The following ERC1 variants were observed in gnomAD, a reference collection of about 807,000 sequenced individuals.
ERC1 encodes the protein ELKS/RAB6-interacting/CAST family member 1.
ERC1 carries 56 observed loss-of-function variants against 132.0 expected under a neutral mutation model. The observed-to-expected ratio is 0.42, with a 90% CI of 0.34 to 0.53. The LOEUF (loss-of-function observed/expected upper bound fraction) is 0.53. ERC1 is among the 20% of genes least tolerant of loss of function. The probability of loss-of-function intolerance (pLI) is 0.03; values close to 1 mark genes in which losing one functional copy is unlikely to be tolerated. For missense variants in ERC1, 1,202 were observed against 1,349.9 expected, an observed-to-expected ratio of 0.89 and a Z score of 1.72; for synonymous variants, 478 against 476.1, an observed-to-expected ratio of 1.00 and a Z score of -0.05.
At chr12:1,110,972 G>C (rs978218771) in intron 5 of ERC1, among the ~76,000 whole-genome samples, 1 of 152,066 alleles carries the variant, frequency 6.6e-6, no homozygotes, top group Non-Finnish European at 1.5e-5. Flanking sequence ...CCAAAGTGCT[G>C]GGATTACAGA....
intron 2 of ERC1, among the ~76,000 whole-genome samples, chr12:1,033,625 G>A (rs1351209497): frequency 6.6e-6 from 1 of 151,854 alleles, no homozygotes; most frequent in African/African-American, 2.4e-5. Context: ...CACCATGCCC[G>A]GCTAATTTTT....
rs564334323 is a variant in ERC1, at chr12:1,420,754, C to T, written c.3024+12507C>T. Among the ~76,000 whole-genome samples, 4 of 152,106 alleles carry T rather than the reference C, an allele frequency of 2.6e-5. No individual in the cohort carries two copies. In the East Asian group the frequency reaches 5.8e-4, roughly 22 times the overall value. On this transcript the variant is annotated intron_variant, in intron 17 of 18. Transcript: ENST00000360905. ...ACAGGCATGAGCCACCATGCCTGGCCGAGGTTAAACTTTTAAGCAAAACCC... is the reference window on the plus strand; with the variant it reads ...ACAGGCATGAGCCACCATGCCTGGCTGAGGTTAAACTTTTAAGCAAAACCC...
intron 18 of ERC1, among the ~76,000 whole-genome samples, chr12:1,473,899 C>CA (rs1273903693): frequency 2.6e-5 from 4 of 151,992 alleles, no homozygotes; most frequent in South Asian, 2.1e-4. Flanking sequence ...GATCCCTGGG[C>CA]AAAAAAGATT....
chr12:1,389,037 G>T (rs1260225525), intron 16 of ERC1, among the ~76,000 whole-genome samples: 5 of 152,188 alleles, frequency 3.3e-5, no homozygotes, highest in Admixed American at 2.6e-4. Flanking sequence ...AAAGGAACAA[G>T]TAATTGGTGG....
intron 12 of ERC1, among the ~76,000 whole-genome samples, chr12:1,212,980 T>G (rs1436096055): frequency 6.6e-6 from 1 of 152,344 alleles, no homozygotes; most frequent in East Asian, 1.9e-4. Flanking sequence ...TGTCAAAGCT[T>G]AGATAAATGT....
At chr12:1,283,085 A>T (rs1222331299) in intron 14 of ERC1, among the ~76,000 whole-genome samples, 1 of 152,200 alleles carries the variant, frequency 6.6e-6, no homozygotes, top group Non-Finnish European at 1.5e-5. Flanking sequence ...TCTTAAGGAA[A>T]ATAGGTCTGT....
At chr12:1,357,988 A>T (rs1409199344) in intron 15 of ERC1, among the ~76,000 whole-genome samples, 3 of 152,212 alleles carry the variant, frequency 2.0e-5, no homozygotes. Context: ...ATATGTAGAA[A>T]GCAGAAGATC....
intron 1 of ERC1, among the ~76,000 whole-genome samples, chr12:1,027,169 T>C (rs1967033301): frequency 6.6e-6 from 1 of 152,246 alleles, no homozygotes; most frequent in African/African-American, 2.4e-5. Context: ...GGATTTAAAA[T>C]TTCCTTTAAA....
intron 3 of ERC1, among the ~76,000 whole-genome samples, chr12:1,084,250 T>C (rs766551717): frequency 1.3e-5 from 2 of 152,230 alleles, no homozygotes; most frequent in Non-Finnish European, 2.9e-5. Context: ...ATTAAAAAAT[T>C]AATAGCCATA....
At position 1,369,108 on chromosome 12, in the gene ERC1, A is replaced by G. The variant is rs564679743; in HGVS notation, c.2781-2725A>G. 3.3e-5 allele frequency among the ~76,000 whole-genome samples: 5 copies of G among 152,322 alleles called. No homozygotes were observed. The South Asian group carries it at 1.0e-3, about 32-fold the overall frequency. ...AAATCTCTATTTGAATTGCATAAAA[A>G]ATACTTCAAATTATATATCTTGTTA... On this transcript the variant is annotated intron_variant, in intron 15 of 18. Coordinates refer to ENST00000360905, the MANE Select transcript of ERC1 (RefSeq NM_178040.4).
chr12:1,418,570 T>C (rs957947618), intron 17 of ERC1, among the ~76,000 whole-genome samples: 2 of 119,284 alleles, frequency 1.7e-5, no homozygotes, highest in Non-Finnish European at 3.5e-5. Context: ...CTTCATTTTC[T>C]TTCTTTCTTT....
At chr12:1,139,864 A>T (rs1949708487) in intron 7 of ERC1, among the ~76,000 whole-genome samples, 1 of 152,172 alleles carries the variant, frequency 6.6e-6, no homozygotes. Flanking sequence ...TAGTAGGTGT[A>T]GGAGGAAGAA....
chr12:1,361,332 A>C (rs1480665215), intron 15 of ERC1, among the ~76,000 whole-genome samples: 2 of 152,018 alleles, frequency 1.3e-5, no homozygotes, highest in African/African-American at 4.8e-5. Flanking sequence ...TGGGTGCAGC[A>C]CACCAACAGG....
intron 12 of ERC1, among the ~76,000 whole-genome samples, chr12:1,215,382 A>C (rs7303850): frequency 0.43 from 65,500 of 151,956 alleles, 15,870 homozygotes; most frequent in African/African-American, 0.66. Context: ...CAACTTGGAC[A>C]ATAGTAATAA....
At chr12:1,109,340 G>C (rs1275749246) in intron 4 of ERC1, among the ~76,000 whole-genome samples, 1 of 152,156 alleles carries the variant, frequency 6.6e-6, no homozygotes, top group African/African-American at 2.4e-5. Context: ...TTGCTAACAT[G>C]ATAAATAACT....
At chr12:1,397,743 G>C (rs985745292) in intron 16 of ERC1, among the ~76,000 whole-genome samples, 2 of 152,036 alleles carry the variant, frequency 1.3e-5, no homozygotes, top group African/African-American at 4.8e-5. Context: ...AGCCTTCTGT[G>C]ATTATACCTA....
chr12:1,000,312 C>G (rs1465411245), intron 1 of ERC1, among the ~76,000 whole-genome samples: 1 of 151,934 alleles, frequency 6.6e-6, no homozygotes, highest in Non-Finnish European at 1.5e-5. Context: ...TGGCGAAACC[C>G]CATCTCTACT....
intron 15 of ERC1, among the ~76,000 whole-genome samples, chr12:1,307,773 C>T (rs1209407174): frequency 6.6e-6 from 1 of 152,082 alleles, no homozygotes; most frequent in African/African-American, 2.4e-5. Flanking sequence ...GGTATTCCTC[C>T]TCCATCTAAG....
intron 2 of ERC1, among the ~76,000 whole-genome samples, chr12:1,039,174 A>C (rs929969203): frequency 9.9e-5 from 15 of 151,782 alleles, no homozygotes; most frequent in African/African-American, 3.6e-4. Context: ...GTCTCTACTA[A>C]AAATACAAAA....
Sources: allele counts gnomAD v4.1 joint callset (sites outside exome capture counted in the v4.1 genomes callset), GRCh38; gene constraint gnomAD v4.1.1; transcripts MANE v1.5; gene names NCBI Gene and HGNC (gene_info 2026-07-23, HGNC 2026-07-21).